PDE6B: variants seen among roughly 807,000 people sequenced by gnomAD.
PDE6B encodes phosphodiesterase 6B.
In PDE6B, 106 loss-of-function variants were observed where a neutral mutation model predicts 109.0. That is an observed-to-expected ratio of 0.97 (90% CI 0.83 to 1.14). PDE6B has a LOEUF of 1.14. Among genes scored for constraint, PDE6B ranks in the 50% most tolerant of loss-of-function variants. The pLI, the probability that PDE6B is intolerant of heterozygous loss-of-function variation, is 0.00. For missense variants in PDE6B, 1,193 were observed against 1,155.6 expected (o/e 1.03, Z -0.47); for synonymous variants, 490 against 471.3 (o/e 1.04, Z -0.51).
chr4:654,081 A>G lies in PDE6B; in HGVS notation c.854A>G (p.Glu285Gly). ...VGLLDMTKEK[E>G]FFDVWSVLMG... ...CACCCTCACCTCTTCTCTGCCCAGG[A>G]ATTTTTTGACGTGTGGTCTGTGCTG... Residue 285 changes from glutamate (E) to glycine (G), a missense_variant and splice_region_variant, in exon 5 of 22, where the codon GAA (glutamate) becomes GGA (glycine). Coordinates refer to ENST00000496514, the MANE Select transcript of PDE6B (RefSeq NM_000283.4). The G allele has an allele frequency of 1.2e-6, 2 of 1,613,758 alleles. No individual in the cohort carries two copies. The highest frequency in any genetic ancestry group is 1.7e-6 in the Non-Finnish European group (2 of 1,179,980).
chr4:633,936 G>A lies in PDE6B; in HGVS notation c.469-741G>A, dbSNP rs28459140. Among the ~76,000 whole-genome samples, 3,608 of 152,088 alleles carry A rather than the reference G, an allele frequency of 0.024. 141 individuals are homozygous for A. The highest frequency in any genetic ancestry group is 0.083 in the African/African-American group (3,453 of 41,486). ...GCTCAGCTGACCTGTTCCTTGAGGG[G>A]CCGGAACCTAAGAGCCAAGAGAGGA... On this transcript the variant is annotated intron_variant, in intron 1 of 21. Transcript: ENST00000496514. The surrounding 1 kb of genome is among the most constrained non-coding windows in gnomAD (Gnocchi z 4.5).
chr4:650,801 G>A (rs538291719), intron 3 of PDE6B, among the ~76,000 whole-genome samples: 10 of 152,288 alleles, frequency 6.6e-5, no homozygotes, highest in African/African-American at 1.9e-4. Context: ...AGGGGGTGTT[G>A]ACGGGGGCAC....
In PDE6B at chr4:654,114, A is replaced by C. The variant is rs753941022; in HGVS notation, c.887A>C (p.Glu296Ala). 1 of 1,613,542 alleles carries C rather than the reference A, an allele frequency of 6.2e-7. No homozygotes were observed. The highest frequency in any genetic ancestry group is 1.3e-5 in the African/African-American group (1 of 74,866). ...FFDVWSVLMG[E>A]SQPYSGPRTP... ...GACGTGTGGTCTGTGCTGATGGGAG[A>C]GTCCCAGCCGTACTCGGGCCCACGC... The change falls in exon 5 of 22, where the codon GAG becomes GCG. Residue 296 changes from glutamate to alanine, a missense_variant. By Grantham distance (107) the Glu-to-Ala change is moderately radical (BLOSUM62 -1). Coordinates refer to ENST00000496514, the MANE Select transcript of PDE6B (RefSeq NM_000283.4).
chr4:668,109 C>T, intron 21 of PDE6B, 103 bp downstream of exon 21: 10 of 1,202,948 alleles, frequency 8.3e-6, no homozygotes, highest in Non-Finnish European at 1.2e-5. Flanking sequence ...AAAGCAGAGC[C>T]ACTTTCAAGA....
intron 3 of PDE6B, among the ~76,000 whole-genome samples, chr4:650,907 C>G (rs1038188330): frequency 6.6e-6 from 1 of 152,214 alleles, no homozygotes; most frequent in African/African-American, 2.4e-5. Context: ...CACCAGCAGG[C>G]TTTTAACCGG....
At chr4:657,165 C>T (rs1188283727) in intron 9 of PDE6B, 142 bp downstream of exon 9, 20 of 1,139,106 alleles carry the variant, frequency 1.8e-5, no homozygotes, top group East Asian at 4.9e-5. Context: ...AGGGAGAGGA[C>T]GACAAAGGGC....
chr4:664,073 C>T, intron 16 of PDE6B, 41 bp from the exon 17 acceptor site: 2 of 1,402,154 alleles, frequency 1.4e-6, no homozygotes, highest in Admixed American at 1.7e-5. Flanking sequence ...GGGGTCTCCA[C>T]ACTTGCTCCC....
intron 5 of PDE6B, chr4:654,405 T>TG (rs1560119244): frequency 1.6e-6 from 1 of 638,080 alleles, no homozygotes; most frequent in Admixed American, 2.3e-5. Flanking sequence ...GCTCTGATTG[T>TG]GGGGGCTCCT....
chr4:661,445 T>TCCTGC (rs1737091383), intron 12 of PDE6B: 1 of 152,438 alleles, frequency 6.6e-6, no homozygotes, highest in African/African-American at 2.4e-5. Flanking sequence ...CCCTGGGTTC[T>TCCTGC]CCTGCCCTGC....
chr4:663,106 GA>G lies in PDE6B; in HGVS notation c.1841del (p.Asn614ThrfsTer29), dbSNP rs747970185. On this transcript the variant is annotated frameshift_variant, in exon 15 of 22. Transcript: ENST00000496514. LOFTEE classifies it high-confidence loss of function. This position sits in a 1 kb window ranked among gnomAD's most constrained non-coding sequence, Gnocchi z 4.0. ...TCCACCACCTGTGTAACAGGTCCCA[GA>G]ACCCCTTGGCTAAGCTCCACGGCTC... ...TNNLYQMKSQ[N>X]PLAKLHGSSI... The G allele has an allele frequency of 1.2e-6, 2 of 1,605,706 alleles. No homozygotes were observed. Among genetic ancestry groups the G allele is most frequent in the Non-Finnish European group, 8.5e-7 (1 of 1,172,424 alleles).
chr4:625,586 C>T lies in PDE6B; in HGVS notation c.-41C>T, dbSNP rs376100498. On this transcript the variant is annotated 5_prime_UTR_variant, in exon 1 of 22. Coordinates refer to ENST00000496514, the MANE Select transcript of PDE6B (RefSeq NM_000283.4). This position sits in a 1 kb window ranked among gnomAD's most constrained non-coding sequence, Gnocchi z 5.0. ...TGACAGGGTTTCCTGGGAGTCCATG[C>T]GTGCCTGGAGCAGCAGCGTCTCCAG... 4.2e-5 allele frequency: 59 copies of T among 1,393,688 alleles called. No individual in the cohort carries two copies. Among genetic ancestry groups the T allele is most frequent in the African/African-American group, 1.4e-4 (10 of 70,578 alleles). 86.3% of individuals were successfully genotyped at this position (1,393,688 alleles called of 1,614,324 possible).
At position 667,912 on chromosome 4, in the gene PDE6B, T is replaced by C. The variant is rs200002559; in HGVS notation, c.2409T>C (p.Asn803=). The part of the protein sequence containing the change: ...ILPMFDRLQN[N]RKEWKALADE... ...CCATGTTCGACCGACTGCAGAACAA[T>C]AGGAAAGAGTGGAAGGCGCTGGCTG... The change falls in exon 21 of 22, where the codon AAT becomes AAC. Residue 803 remains asparagine, a synonymous_variant. Coordinates refer to ENST00000496514, the MANE Select transcript of PDE6B (RefSeq NM_000283.4). 8.7e-6 allele frequency: 14 copies of C among 1,613,346 alleles called. No individual in the cohort carries two copies. In the East Asian group the frequency reaches 2.5e-4, roughly 28 times the overall value.
chr4:665,188 GGGGCGGGCCCGGGCCCTTCCGCGT>G lies in PDE6B; in HGVS notation c.2194-62_2194-39del. On this transcript the variant is annotated intron_variant, in intron 18 of 21. Coordinates refer to ENST00000496514, the MANE Select transcript of PDE6B (RefSeq NM_000283.4). The surrounding 1 kb of genome is among the most constrained non-coding windows in gnomAD (Gnocchi z 4.0). ...AGAAGACCGAGGCTCGGAGCCTCAC[GGGGCGGGCCCGGGCCCTTCCGCGT>G]GGGCTCAGAGCTCCACAGACAGCTG... 8.4e-7 allele frequency: 1 copy of G among 1,196,596 alleles called. No individual in the cohort carries two copies. The highest frequency in any genetic ancestry group is 1.3e-5 in the South Asian group (1 of 78,818). The allele number at this position is 1,196,596 out of a possible 1,614,324, so 74.1% of individuals were successfully genotyped here. A position where few individuals can be genotyped will look rare whatever the true frequency, so the allele number is the denominator to read the frequency against.
At position 666,511 on chromosome 4, in the gene PDE6B, C is replaced by T. The variant is rs747879947; in HGVS notation, c.2269-20C>T. 2.5e-6 allele frequency: 4 copies of T among 1,580,816 alleles called. No homozygotes were observed. The South Asian group carries it at 3.3e-5, about 13-fold the overall frequency. ...TGCCTCCCTGGTCACTGTTCTCCCG[C>T]CCTCTGTTCCTCCCACCAGCCTATG... On this transcript the variant is annotated intron_variant, in intron 19 of 21. Transcript: ENST00000496514. This position sits in a 1 kb window ranked among gnomAD's most constrained non-coding sequence, Gnocchi z 5.6.
intron 3 of PDE6B, among the ~76,000 whole-genome samples, chr4:644,979 TTTG>T (rs1735129741): frequency 6.6e-6 from 1 of 152,062 alleles, no homozygotes; most frequent in South Asian, 2.1e-4. Flanking sequence ...GTTTCGAAGC[TTTG>T]TTATTAGATG....
At chr4:646,908 A>G (rs1004621488) in intron 3 of PDE6B, among the ~76,000 whole-genome samples, 2 of 151,020 alleles carry the variant, frequency 1.3e-5, no homozygotes, top group African/African-American at 4.9e-5. Flanking sequence ...CCCTGGCTGG[A>G]GTGCAGTGGC....
At chr4:645,753 C>T (rs1735171919) in intron 3 of PDE6B, among the ~76,000 whole-genome samples, 1 of 151,916 alleles carries the variant, frequency 6.6e-6, no homozygotes, top group South Asian at 2.1e-4. Flanking sequence ...CACACTCTCT[C>T]CTCTCTTAGC....
intron 11 of PDE6B, among the ~76,000 whole-genome samples, chr4:659,451 CTGTG>C (rs768286130): frequency 6.0e-4 from 92 of 152,192 alleles, no homozygotes; most frequent in African/African-American, 2.1e-3. Context: ...ACATGGGTGT[CTGTG>C]TGCATGTGTG....
chr4:643,124 A>G (rs1219674267), intron 3 of PDE6B, among the ~76,000 whole-genome samples: 1 of 152,116 alleles, frequency 6.6e-6, no homozygotes. Context: ...CCTGGCCAAC[A>G]TGGTGAAACC....
Sources: gnomAD v4.1 joint callset for allele counts (sites outside exome capture counted in the v4.1 genomes callset) on GRCh38, gnomAD v4.1.1 for gene constraint, Gnocchi (gnomAD v3.1) non-coding constraint, MANE v1.5 for transcripts, NCBI Gene and HGNC (gene_info 2026-07-23, HGNC 2026-07-21) for gene names.